TMEM127: variants seen among roughly 807,000 people sequenced by gnomAD.
TMEM127 encodes the protein transmembrane protein 127.
Under a neutral mutation model 20.1 loss-of-function variants are expected in TMEM127, and 21 were observed. That is an observed-to-expected ratio of 1.04 (90% CI 0.74 to 1.50). TMEM127 has a LOEUF of 1.50. Among genes scored for constraint, TMEM127 ranks in the 40% most tolerant of loss-of-function variants. The pLI is 0.00. For synonymous variants in TMEM127, 150 were observed against 144.7 expected (o/e 1.04, Z -0.26); for missense variants, 303 against 317.4 (o/e 0.95, Z 0.34).
At chr2:96,256,362 A>G (rs574240635) in intron 2 of TMEM127, among the ~76,000 whole-genome samples, 3 of 152,104 alleles carry the variant, frequency 2.0e-5, no homozygotes, top group East Asian at 3.9e-4. Flanking sequence ...ACCTGAGGTC[A>G]GGAGTTTGAG....
intron 2 of TMEM127, among the ~76,000 whole-genome samples, chr2:96,258,044 A>G (rs866553439): frequency 5.3e-5 from 8 of 152,232 alleles, no homozygotes; most frequent in African/African-American, 1.4e-4. Flanking sequence ...GGCAAGACTC[A>G]GGCTATATAG....
At chr2:96,255,653 G>T (rs1379985311) in intron 2 of TMEM127, among the ~76,000 whole-genome samples, 2 of 152,188 alleles carry the variant, frequency 1.3e-5, no homozygotes. Context: ...AGTTTGAAAT[G>T]ATGATAGTTT....
At position 96,252,258 on chromosome 2, in the gene TMEM127, T is replaced by C. The variant is rs756651464; in HGVS notation, c.*1550A>G. 5.6e-5 allele frequency: 13 copies of C among 233,276 alleles called. No individual in the cohort carries two copies. Among genetic ancestry groups the C allele is most frequent in the Admixed American group, 2.2e-4 (4 of 17,778 alleles). 14.5% of individuals were successfully genotyped at this position (233,276 alleles called of 1,614,324 possible). On this transcript the variant is annotated 3_prime_UTR_variant, in exon 4 of 4. Coordinates refer to ENST00000258439, the MANE Select transcript of TMEM127 (RefSeq NM_017849.4). This position sits in a 1 kb window ranked among gnomAD's most constrained non-coding sequence, Gnocchi z 4.2. The stretch of plus-strand genomic sequence containing the variant: ...CTTTCTAGCCACAGCTTCATAGTGT[T>C]GTCCATTCTCCAGTCTTGCTCAAAC...
At position 96,248,818 on chromosome 2, in the gene TMEM127, C is replaced by T. The variant is rs775752798; in HGVS notation, c.*4990G>A. 8.6e-6 allele frequency: 2 copies of T among 231,886 alleles called. No homozygotes were observed. Among genetic ancestry groups the T allele is most frequent in the African/African-American group, 4.4e-5 (2 of 45,244 alleles). 14.4% of individuals were successfully genotyped at this position (231,886 alleles called of 1,614,324 possible). ...CACCTGTACAACCCCTTAAGCCAGA[C>T]GGACTCACAGCTGTCTCTGGAAAGT... On this transcript the variant is annotated 3_prime_UTR_variant, in exon 4 of 4. Coordinates refer to ENST00000258439, the MANE Select transcript of TMEM127 (RefSeq NM_017849.4).
In TMEM127 at chr2:96,255,009, G is replaced by C. The variant is rs1489772620; in HGVS notation, c.245-12C>G. The C allele has an allele frequency of 6.2e-7, 1 of 1,614,088 alleles. No homozygotes were observed. Among genetic ancestry groups the C allele is most frequent in the East Asian group, 2.2e-5 (1 of 44,878 alleles). On this transcript the variant is annotated splice_polypyrimidine_tract_variant and intron_variant, in intron 2 of 3. Transcript: ENST00000258439. ...ATTCATGCAGAAATCTGTAGAGGGA[G>C]AACCAAATTTTCACGGCCCCAAGTA...
intron 2 of TMEM127, among the ~76,000 whole-genome samples, chr2:96,261,419 G>A (rs1224410786): frequency 6.6e-6 from 1 of 152,170 alleles, no homozygotes; most frequent in African/African-American, 2.4e-5. Flanking sequence ...AAAGTGCTGA[G>A]ATTACAGGAG....
intron 2 of TMEM127, among the ~76,000 whole-genome samples, chr2:96,263,098 C>A (rs944716954): frequency 6.6e-6 from 1 of 150,966 alleles, no homozygotes; most frequent in Non-Finnish European, 1.5e-5. Flanking sequence ...GTTGCCCAGG[C>A]TGGAGTGCAG....
intron 2 of TMEM127, among the ~76,000 whole-genome samples, chr2:96,257,124 T>C (rs1684222518): frequency 6.6e-6 from 1 of 152,192 alleles, no homozygotes; most frequent in Non-Finnish European, 1.5e-5. Flanking sequence ...CAGCAACTTG[T>C]ATTTCCCTCC....
At chr2:96,264,669 G>C (rs571013105) in intron 2 of TMEM127, among the ~76,000 whole-genome samples, 1 of 152,190 alleles carries the variant, frequency 6.6e-6, no homozygotes, top group South Asian at 2.1e-4. Flanking sequence ...ACGGTCTTCC[G>C]ATTACCTAAA....
chr2:96,256,513 G>A (rs1250899537), intron 2 of TMEM127, among the ~76,000 whole-genome samples: 2 of 150,322 alleles, frequency 1.3e-5, no homozygotes, highest in African/African-American at 2.5e-5. Flanking sequence ...GGAGGTTGCG[G>A]TGAGCCGAGA....
At chr2:96,260,778 AC>A (rs2104299222) in intron 2 of TMEM127, among the ~76,000 whole-genome samples, 1 of 152,210 alleles carries the variant, frequency 6.6e-6, no homozygotes, top group Non-Finnish European at 1.5e-5. Flanking sequence ...TGAATTAGAG[AC>A]ACTTCCCCAA....
At chr2:96,255,060 T>C (rs1273315680) in intron 2 of TMEM127, 63 bp from the exon 3 acceptor site, 10 of 1,600,796 alleles carry the variant, frequency 6.2e-6, no homozygotes, top group Non-Finnish European at 8.5e-6. Context: ...AGTCCCCACC[T>C]AGAAGGAGTT....
chr2:96,265,074 G>C lies in TMEM127; in HGVS notation c.244+64C>G, dbSNP rs1037472498. ...AAGTGTCTGGTCCCTGGCTATCTCT[G>C]CTTCAGCCAGAACACATTCTGTCCC... On this transcript the variant is annotated intron_variant, in intron 2 of 3. Coordinates refer to ENST00000258439, the MANE Select transcript of TMEM127 (RefSeq NM_017849.4). The C allele has an allele frequency of 4.4e-6, 7 of 1,601,770 alleles. No individual in the cohort carries two copies. In the African/African-American group the frequency reaches 9.4e-5, roughly 21 times the overall value.
chr2:96,265,795 G>C (rs1684411152), intron 1 of TMEM127, 74 bp downstream of exon 1: 1 of 196,266 alleles, frequency 5.1e-6, no homozygotes, highest in Non-Finnish European at 1.0e-5. Flanking sequence ...GGGGACCCGT[G>C]ATCTGGGACC....
chr2:96,252,540 C>T lies in TMEM127; in HGVS notation c.*1268G>A, dbSNP rs1684114826. 2 of 233,942 alleles carry T rather than the reference C, an allele frequency of 8.5e-6. No individual in the cohort carries two copies. Among genetic ancestry groups the T allele is most frequent in the Non-Finnish European group, 1.7e-5 (2 of 118,204 alleles). 14.5% of individuals were successfully genotyped at this position (233,942 alleles called of 1,614,324 possible). On this transcript the variant is annotated 3_prime_UTR_variant, in exon 4 of 4. Coordinates refer to ENST00000258439, the MANE Select transcript of TMEM127 (RefSeq NM_017849.4). The surrounding 1 kb of genome is among the most constrained non-coding windows in gnomAD (Gnocchi z 4.2). ...AGCAGCACACTGCAAGACCAGAGTACATTCAAGAGGGGAGAGGGCACGTGG... is the reference window on the plus strand; with the variant it reads ...AGCAGCACACTGCAAGACCAGAGTATATTCAAGAGGGGAGAGGGCACGTGG...
chr2:96,263,519 C>G (rs572581504), intron 2 of TMEM127, among the ~76,000 whole-genome samples: 2 of 152,210 alleles, frequency 1.3e-5, no homozygotes, highest in African/African-American at 4.8e-5. Flanking sequence ...CCTGCCACCA[C>G]GCCCGGCTCA....
intron 2 of TMEM127, among the ~76,000 whole-genome samples, chr2:96,256,282 A>C (rs1205908316): frequency 1.3e-5 from 2 of 150,642 alleles, no homozygotes; most frequent in Non-Finnish European, 3.0e-5. Context: ...AAAAAAAAAA[A>C]AAAATGTTGG....
At chr2:96,257,291 G>A (rs1486623760) in intron 2 of TMEM127, among the ~76,000 whole-genome samples, 4 of 151,784 alleles carry the variant, frequency 2.6e-5, no homozygotes, top group African/African-American at 4.8e-5. Context: ...GTGAAACCCC[G>A]TCTCTACTAA....
intron 1 of TMEM127, among the ~76,000 whole-genome samples, 158 bp from the exon 2 acceptor site, chr2:96,265,670 C>T (rs1195904216): frequency 6.6e-6 from 1 of 151,786 alleles, no homozygotes; most frequent in Non-Finnish European, 1.5e-5. Flanking sequence ...TCTGGGCAGA[C>T]TCGAGTGGGG....
Sources: allele counts gnomAD v4.1 joint callset (sites outside exome capture counted in the v4.1 genomes callset), GRCh38; gene constraint gnomAD v4.1.1; non-coding constraint Gnocchi (gnomAD v3.1); transcripts MANE v1.5; gene names NCBI Gene and HGNC (gene_info 2026-07-23, HGNC 2026-07-21).